The following FMNL3 variants were observed in gnomAD, a reference collection of about 807,000 sequenced individuals.
FMNL3 encodes the protein formin like 3.
In FMNL3, 57 loss-of-function variants were observed where a neutral mutation model predicts 119.6. The observed-to-expected ratio is 0.48, with a 90% confidence interval of 0.39 to 0.59. FMNL3 has a LOEUF of 0.59. Ranked by LOEUF, FMNL3 falls within the 20% of genes least tolerant of loss-of-function variation. FMNL3 has a pLI of 0.00. For missense variants in FMNL3, 1,053 were observed against 1,323.5 expected (o/e 0.80, Z 3.17); for synonymous variants, 491 against 507.3 (o/e 0.97, Z 0.43).
intron 25 of FMNL3, 39 bp from the exon 26 acceptor site, chr12:49,645,942 G>A (rs1473277038): frequency 6.3e-7 from 1 of 1,581,904 alleles, no homozygotes; most frequent in Non-Finnish European, 8.6e-7. Context: ...AGGATGGGAG[G>A]GTGAGCCAGG....
At chr12:49,687,892 T>C (rs531076260) in intron 1 of FMNL3, among the ~76,000 whole-genome samples, 1 of 152,102 alleles carries the variant, frequency 6.6e-6, no homozygotes, top group East Asian at 1.9e-4. Context: ...CCTCCACATC[T>C]CACTCCCAGG....
chr12:49,695,001 A>G (rs1944714519), intron 1 of FMNL3, among the ~76,000 whole-genome samples: 1 of 152,050 alleles, frequency 6.6e-6, no homozygotes, highest in Non-Finnish European at 1.5e-5. Context: ...TTTTAATTAC[A>G]TAACTAATAC....
Position 49,649,588 on chromosome 12 carries a change from A to G in FMNL3, c.2236-50T>C. ...GTAACCCCAGGCTGAGATGGGGTAA[A>G]GACAGGGAGGGGTCAGAAGGACTGG... On this transcript the variant is annotated intron_variant, in intron 18 of 25. Transcript: ENST00000335154. This position sits in a 1 kb window ranked among gnomAD's most constrained non-coding sequence, Gnocchi z 5.6. The G allele has an allele frequency of 1.2e-6, 2 of 1,612,482 alleles. No homozygotes were observed. The highest frequency in any genetic ancestry group is 1.7e-6 in the Non-Finnish European group (2 of 1,178,500).
intron 1 of FMNL3, among the ~76,000 whole-genome samples, chr12:49,706,627 C>T (rs960280501): frequency 1.3e-5 from 2 of 152,136 alleles, no homozygotes; most frequent in African/African-American, 2.4e-5. Flanking sequence ...GCAGGAGAGG[C>T]GGTGTCCCCA....
intron 1 of FMNL3, among the ~76,000 whole-genome samples, chr12:49,669,677 C>G (rs916488660): frequency 6.6e-6 from 1 of 151,988 alleles, no homozygotes; most frequent in African/African-American, 2.4e-5. Context: ...ACCAAAAATA[C>G]AAAAATTAGA....
Position 49,691,991 on chromosome 12 carries a change from C to T in FMNL3, c.126+15064G>A, listed in dbSNP as rs536469784. The stretch of plus-strand genomic sequence containing the variant: ...TGGAGGTTGCAGTGAACCAAGATCA[C>T]GCCACTGCACTCCAGCCTGGCTGAC... On this transcript the variant is annotated intron_variant, in intron 1 of 25. Transcript: ENST00000335154. 2.0e-4 allele frequency among the ~76,000 whole-genome samples: 29 copies of T among 143,914 alleles called. 1 individual carries two copies. Among genetic ancestry groups the T allele is most frequent in the Non-Finnish European group, 3.8e-4 (25 of 66,590 alleles). The allele number at this position is 143,914 out of a possible 152,430, so 94.4% of individuals were successfully genotyped here. A position where few individuals can be genotyped will look rare whatever the true frequency, so the allele number is the denominator to read the frequency against.
intron 5 of FMNL3, chr12:49,659,667 G>C: frequency 1.6e-6 from 1 of 644,352 alleles, no homozygotes. Flanking sequence ...TCTCATCTTG[G>C]CCTCCCAAAG....
At chr12:49,657,056 A>G (rs1326971790) in intron 7 of FMNL3, 26 bp downstream of exon 7, 2 of 1,601,884 alleles carry the variant, frequency 1.2e-6, no homozygotes, top group African/African-American at 1.3e-5. Flanking sequence ...GAAGTAGAGC[A>G]CCTATGGCTA....
intron 1 of FMNL3, among the ~76,000 whole-genome samples, chr12:49,678,769 T>C (rs1294567835): frequency 2.0e-5 from 3 of 152,132 alleles, no homozygotes; most frequent in African/African-American, 7.2e-5. Flanking sequence ...CACCTTGAAT[T>C]AGTCTTAAAC....
At chr12:49,681,320 CCTCT>C (rs1302282297) in intron 1 of FMNL3, among the ~76,000 whole-genome samples, 12 of 152,172 alleles carry the variant, frequency 7.9e-5, no homozygotes, top group Admixed American at 7.9e-4. Context: ...CCTGCCTCAG[CCTCT>C]CTGAGTAGCT....
intron 1 of FMNL3, among the ~76,000 whole-genome samples, chr12:49,678,928 G>A (rs187186685): frequency 2.0e-4 from 31 of 152,292 alleles, no homozygotes; most frequent in African/African-American, 6.7e-4. Context: ...AGGCATGAAA[G>A]TATGTATAAG....
rs75019103 is a variant in FMNL3 at position 49,697,616 on chromosome 12, G to A, written c.126+9439C>T. On this transcript the variant is annotated intron_variant, in intron 1 of 25. Transcript: ENST00000335154. The stretch of plus-strand genomic sequence containing the variant: ...AGTGCTTCCAAAAACTCCCTCCTGG[G>A]ACAATACCTCCCTCAGTTGAAAGCT... 1.2e-3 allele frequency among the ~76,000 whole-genome samples: 180 copies of A among 152,232 alleles called. 3 individuals are homozygous for A. The East Asian group carries it at 0.026, about 22-fold the overall frequency.
At chr12:49,659,635 A>C (rs1943675860) in intron 5 of FMNL3, 1 of 412,732 alleles carries the variant, frequency 2.4e-6, no homozygotes, top group Non-Finnish European at 3.3e-6. Context: ...TCTGGTCTTA[A>C]AACTCCTGGG....
chr12:49,651,272 T>A lies in FMNL3; in HGVS notation c.1693A>T (p.Ile565Phe). ...GLSAIRIKKP[I>F]KTKFRLPVFN... ...ACAGGCAGCCGGAACTTGGTCTTGA[T>A]AGGTTTCTTAATTCGAATGGCTAAT... Residue 565 changes from isoleucine to phenylalanine, a missense_variant, in exon 16 of 26, where the codon ATC (isoleucine) becomes TTC (phenylalanine). By Grantham distance (21) the Ile-to-Phe change is conservative (BLOSUM62 0). Coordinates refer to ENST00000335154, the MANE Select transcript of FMNL3 (RefSeq NM_175736.5). 6.2e-7 allele frequency: 1 copy of A among 1,612,518 alleles called. No individual in the cohort carries two copies. The highest frequency in any genetic ancestry group is 8.5e-7 in the Non-Finnish European group (1 of 1,178,652).
intron 4 of FMNL3, among the ~76,000 whole-genome samples, chr12:49,665,157 C>T (rs1943854368): frequency 6.6e-6 from 1 of 151,818 alleles, no homozygotes; most frequent in African/African-American, 2.4e-5. Flanking sequence ...AGGCCAATAC[C>T]CTCTTTCACT....
chr12:49,656,430 G>GT lies in FMNL3; in HGVS notation c.858_859insA (p.Leu287ThrfsTer5). The GT allele has an allele frequency of 3.7e-6, 6 of 1,614,124 alleles. No homozygotes were observed. The highest frequency in any genetic ancestry group is 5.1e-6 in the Non-Finnish European group (6 of 1,179,966). On this transcript the variant is annotated frameshift_variant, in exon 9 of 26. Transcript: ENST00000335154. LOFTEE classifies it high-confidence loss of function. The stretch of plus-strand genomic sequence containing the variant: ...TCTTTGAAATTGTCAAAGGCAGCAA[G>GT]GATGATTTCGTGACCTCCTCGCACC...
In FMNL3 at chr12:49,707,323, C is replaced by T. The variant is rs1945078360; in HGVS notation, c.-143G>A. The T allele has an allele frequency of 1.4e-6, 1 of 700,868 alleles. No homozygotes were observed. The highest frequency in any genetic ancestry group is 2.1e-6 in the Non-Finnish European group (1 of 480,084). 43.4% of individuals were successfully genotyped at this position (700,868 alleles called of 1,614,324 possible). ...GCCCCGTCGAGGGCGCCGGGGGTTC[C>T]CTGGAGTCCCGCTGGCGGGGGCGCG... is the stretch of plus-strand genomic sequence containing the variant. On this transcript the variant is annotated 5_prime_UTR_variant, in exon 1 of 26. Coordinates refer to ENST00000335154, the MANE Select transcript of FMNL3 (RefSeq NM_175736.5).
Position 49,642,157 on chromosome 12 carries a change from A to G in FMNL3, c.*3658T>C, listed in dbSNP as rs1942756921. The stretch of plus-strand genomic sequence containing the variant: ...GTAGAAGCCCAGACCCTAACTTTCC[A>G]CCTCCTAAGGTATGCCTGAGTGGGA... On this transcript the variant is annotated 3_prime_UTR_variant, in exon 26 of 26. Transcript: ENST00000335154. The surrounding 1 kb of genome is among the most constrained non-coding windows in gnomAD (Gnocchi z 5.8). 6.2e-7 allele frequency: 1 copy of G among 1,608,554 alleles called. No homozygotes were observed. Among genetic ancestry groups the G allele is most frequent in the Non-Finnish European group, 8.5e-7 (1 of 1,176,346 alleles).
At chr12:49,665,974 G>T in intron 3 of FMNL3, 66 bp from the exon 4 acceptor site, 1 of 1,575,992 alleles carries the variant, frequency 6.3e-7, no homozygotes. Context: ...TCCATTACTG[G>T]CCAGCCATTC....
Sources: allele counts gnomAD v4.1 joint callset (sites outside exome capture counted in the v4.1 genomes callset), GRCh38; gene constraint gnomAD v4.1.1; non-coding constraint Gnocchi (gnomAD v3.1); transcripts MANE v1.5; gene names NCBI Gene and HGNC (gene_info 2026-07-23, HGNC 2026-07-21).